The following TMEM114 variants were observed in gnomAD, a reference collection of about 807,000 sequenced individuals.
TMEM114 encodes transmembrane protein 114.
Under a neutral mutation model 6.2 loss-of-function variants are expected in TMEM114, and 6 were observed. The observed-to-expected ratio is 0.97, with a 90% confidence interval of 0.53 to 1.91. TMEM114 has a LOEUF of 1.91. Ranked by LOEUF, TMEM114 falls within the 40% of genes most tolerant of loss-of-function variation. The pLI is 0.01. For missense variants in TMEM114, 218 were observed against 158.3 expected (o/e 1.38, Z -2.02); for synonymous variants, 104 against 73.0 (o/e 1.42, Z -2.16).
chr16:8,556,373 G>T (rs1056534636), intron 2 of TMEM114, among the ~76,000 whole-genome samples: 6 of 152,132 alleles, frequency 3.9e-5, no homozygotes, highest in African/African-American at 1.4e-4. Context: ...GTTGAAAAGG[G>T]GTGAAAACAT....
chr16:8,531,660 A>G, the TMEM114 span, among the ~76,000 whole-genome samples: 1 of 152,236 alleles, frequency 6.6e-6, no homozygotes, highest in African/African-American at 2.4e-5. Flanking sequence ...GAACTCATCC[A>G]TAGAAAACTC....
At chr16:8,553,537 G>A (rs1158471633) in intron 2 of TMEM114, among the ~76,000 whole-genome samples, 1 of 152,128 alleles carries the variant, frequency 6.6e-6, no homozygotes, top group Admixed American at 6.5e-5. Context: ...CCAGGCTGGA[G>A]TGCAGTGGCA....
intron 2 of TMEM114, among the ~76,000 whole-genome samples, chr16:8,549,324 A>AC (rs1900769743): frequency 6.6e-6 from 1 of 151,574 alleles, no homozygotes; most frequent in African/African-American, 2.4e-5. Flanking sequence ...ACATGACAAA[A>AC]CCCCGTCTCT....
In TMEM114 at chr16:8,554,476, T is replaced by C. The variant is rs147425325; in HGVS notation, n.213-16650A>G. ...AGAGAATCTCCTTCTTGACCTCTCA[T>C]AGCCCCTTCATAGCACTTATCTCCA... On this transcript the variant is annotated intron_variant and non_coding_transcript_variant, in intron 2 of 2. Transcript: ENST00000623677. Among the ~76,000 whole-genome samples, 87 of 152,254 alleles carry C rather than the reference T, an allele frequency of 5.7e-4. 1 individual carries two copies. Among genetic ancestry groups the C allele is most frequent in the African/African-American group, 1.9e-3 (80 of 41,560 alleles).
chr16:8,531,263 C>A, the TMEM114 span, among the ~76,000 whole-genome samples: 1 of 152,192 alleles, frequency 6.6e-6, no homozygotes, highest in East Asian at 1.9e-4. Flanking sequence ...GAGTCCTTAG[C>A]ATTCAGAGAT....
At chr16:8,564,063 G>T (rs1465022583) in intron 2 of TMEM114, among the ~76,000 whole-genome samples, 1 of 148,176 alleles carries the variant, frequency 6.7e-6, no homozygotes, top group Non-Finnish European at 1.5e-5. Context: ...ATGAGTAAAT[G>T]AGTGAGTGAG....
intron 2 of TMEM114, among the ~76,000 whole-genome samples, chr16:8,559,493 G>A (rs1378587368): frequency 2.6e-5 from 4 of 152,186 alleles, no homozygotes; most frequent in Non-Finnish European, 1.5e-5. Flanking sequence ...TTCCAAGCAA[G>A]GACCCAGCAA....
At chr16:8,577,674 C>T (rs970472907) in intron 2 of TMEM114, among the ~76,000 whole-genome samples, 1 of 151,856 alleles carries the variant, frequency 6.6e-6, no homozygotes. Context: ...ACCTCCACTT[C>T]CTGGGTTCAA....
downstream of TMEM114, among the ~76,000 whole-genome samples, chr16:8,535,615 A>G (rs910004481): frequency 6.6e-6 from 1 of 152,238 alleles, no homozygotes; most frequent in African/African-American, 2.4e-5. Context: ...TTGTCAAGGA[A>G]AAAGGATTTC....
chr16:8,553,761 G>T (rs200570993), intron 2 of TMEM114, among the ~76,000 whole-genome samples: 17 of 151,762 alleles, frequency 1.1e-4, no homozygotes, highest in African/African-American at 4.1e-4. Flanking sequence ...GATTACAGGC[G>T]TGAGCCACTG....
chr16:8,553,713 C>T (rs1900916311), intron 2 of TMEM114, among the ~76,000 whole-genome samples: 1 of 152,042 alleles, frequency 6.6e-6, no homozygotes, highest in South Asian at 2.1e-4. Flanking sequence ...GATCTCCTGA[C>T]CTCATGGTCC....
At chr16:8,566,092 C>T (rs1195978687), downstream of TMEM114, among the ~76,000 whole-genome samples, 4 of 152,094 alleles carry the variant, frequency 2.6e-5, no homozygotes, top group Non-Finnish European at 5.9e-5. Context: ...TGGATCGGGC[C>T]AGGCACGGTG....
intron 2 of TMEM114, among the ~76,000 whole-genome samples, chr16:8,562,265 G>A (rs1180179548): frequency 8.6e-6 from 1 of 115,640 alleles, no homozygotes; most frequent in Non-Finnish European, 1.8e-5. Context: ...AATGAGTGAG[G>A]GAGGGAGGGA....
the TMEM114 span, among the ~76,000 whole-genome samples, chr16:8,528,786 C>T: frequency 6.6e-6 from 1 of 152,236 alleles, no homozygotes; most frequent in Non-Finnish European, 1.5e-5. Context: ...GAGCTCTTTG[C>T]CTTCTGGCCA....
chr16:8,560,557 G>A (rs1042160592), intron 2 of TMEM114, among the ~76,000 whole-genome samples: 26 of 152,192 alleles, frequency 1.7e-4, no homozygotes, highest in African/African-American at 6.3e-4. Context: ...TATTCTCAAG[G>A]AAGAAAGGGA....
chr16:8,544,522 A>G (rs1237303835), intron 2 of TMEM114, among the ~76,000 whole-genome samples: 1 of 152,232 alleles, frequency 6.6e-6, no homozygotes, highest in African/African-American at 2.4e-5. Context: ...TGATATTGCT[A>G]CAGGATACAT....
intron 2 of TMEM114, among the ~76,000 whole-genome samples, chr16:8,549,416 C>T (rs531597822): frequency 6.7e-6 from 1 of 149,740 alleles, no homozygotes; most frequent in Admixed American, 6.7e-5. Context: ...AGGAGAATCG[C>T]TTGAACCCAG....
downstream of TMEM114, among the ~76,000 whole-genome samples, chr16:8,568,119 G>C (rs1250143994): frequency 1.3e-5 from 2 of 152,138 alleles, no homozygotes; most frequent in Non-Finnish European, 2.9e-5. Flanking sequence ...TATGCCCTTA[G>C]TCCAGTTATG....
intron 2 of TMEM114, among the ~76,000 whole-genome samples, chr16:8,578,230 C>T (rs1445291999): frequency 2.0e-5 from 3 of 152,068 alleles, no homozygotes; most frequent in African/African-American, 7.2e-5. Context: ...TTCCAAGCAA[C>T]AGGAATTTAG....
Sources: allele counts gnomAD v4.1 joint callset (sites outside exome capture counted in the v4.1 genomes callset), GRCh38; gene constraint gnomAD v4.1.1; transcripts MANE v1.5; gene names NCBI Gene and HGNC (gene_info 2026-07-23, HGNC 2026-07-21).